AKR1C4: variants seen among roughly 807,000 people sequenced by gnomAD.
The protein encoded by AKR1C4 is 3-alpha-HSD1.
In AKR1C4, 44 loss-of-function variants were observed where a neutral mutation model predicts 41.0. The observed-to-expected ratio is 1.07, with a 90% CI of 0.84 to 1.38. The LOEUF (loss-of-function observed/expected upper bound fraction) is 1.38, where lower values mean the gene tolerates loss of function less well. Ranked by LOEUF, AKR1C4 falls within the 40% of genes most tolerant of loss-of-function variation. The pLI, the probability that AKR1C4 is intolerant of heterozygous loss-of-function variation, is 0.00. For synonymous variants in AKR1C4, 165 were observed against 137.7 expected (o/e 1.20, Z -1.39); for missense variants, 438 against 387.9 (o/e 1.13, Z -1.09).
chr10:5,213,208 G>A lies in AKR1C4; in HGVS notation c.846+49G>A, dbSNP rs370082923. 2.1e-5 allele frequency: 34 copies of A among 1,600,918 alleles called. No individual in the cohort carries two copies. In the Middle Eastern group the frequency reaches 6.8e-4, roughly 32 times the overall value. On this transcript the variant is annotated intron_variant, in intron 7 of 8. Coordinates refer to ENST00000263126, the MANE Select transcript of AKR1C4 (RefSeq NM_001818.5). Reference sequence around the variant, plus strand: ...GGCTCCTGCACAGTGTCCTTCACACGTGTGCTTCTTGTAAGGTTCTCAGGA... The same window carrying A: ...GGCTCCTGCACAGTGTCCTTCACACATGTGCTTCTTGTAAGGTTCTCAGGA...
At chr10:5,215,747 C>G (rs1041541831) in intron 7 of AKR1C4, among the ~76,000 whole-genome samples, 3 of 152,176 alleles carry the variant, frequency 2.0e-5, no homozygotes, top group Non-Finnish European at 2.9e-5. Context: ...TGATCTTAGA[C>G]CTCATTAGCC....
intron 5 of AKR1C4, among the ~76,000 whole-genome samples, chr10:5,210,067 CG>C (rs1278919163): frequency 6.6e-6 from 1 of 152,146 alleles, no homozygotes; most frequent in Non-Finnish European, 1.5e-5. Flanking sequence ...GATACAATGG[CG>C]GTACAGGCAT....
chr10:5,210,954 C>T (rs570807878), intron 5 of AKR1C4, among the ~76,000 whole-genome samples: 25 of 152,332 alleles, frequency 1.6e-4, no homozygotes, highest in African/African-American at 6.0e-4. Flanking sequence ...GGCTCACTAC[C>T]ACATAGAAGC....
intron 7 of AKR1C4, 56 bp downstream of exon 7, chr10:5,213,215 T>C (rs1554798145): frequency 1.3e-6 from 2 of 1,597,708 alleles, no homozygotes; most frequent in Admixed American, 3.4e-5. Flanking sequence ...CACGTGTGCT[T>C]CTTGTAAGGT....
chr10:5,198,729 G>A (rs1832351223), intron 1 of AKR1C4, among the ~76,000 whole-genome samples: 1 of 152,184 alleles, frequency 6.6e-6, no homozygotes, highest in African/African-American at 2.4e-5. Context: ...TTAGGAGTGT[G>A]TATGCAGTGA....
chr10:5,217,875 AG>A (rs782332104), intron 8 of AKR1C4, among the ~76,000 whole-genome samples: 13 of 152,244 alleles, frequency 8.5e-5, no homozygotes, highest in Non-Finnish European at 1.5e-4. Context: ...ATTCACAGAA[AG>A]GCACTCATGT....
chr10:5,215,829 G>A (rs564905466), intron 7 of AKR1C4, among the ~76,000 whole-genome samples: 2 of 152,238 alleles, frequency 1.3e-5, no homozygotes, highest in South Asian at 4.1e-4. Context: ...ACAAGTTCCA[G>A]ACTACCCCTT....
At chr10:5,212,123 T>C (rs552042307) in intron 5 of AKR1C4, among the ~76,000 whole-genome samples, 12 of 152,352 alleles carry the variant, frequency 7.9e-5, no homozygotes, top group Admixed American at 7.8e-4. Context: ...ATACTTTTGA[T>C]CACTCTGTCT....
chr10:5,209,884 A>G (rs1302271805), intron 5 of AKR1C4, among the ~76,000 whole-genome samples: 1 of 152,184 alleles, frequency 6.6e-6, no homozygotes, highest in Non-Finnish European at 1.5e-5. Flanking sequence ...GGCCCCTCCC[A>G]AATCTCATGT....
chr10:5,215,895 A>G (rs1264158282), intron 7 of AKR1C4, among the ~76,000 whole-genome samples: 1 of 152,132 alleles, frequency 6.6e-6, no homozygotes, highest in Non-Finnish European at 1.5e-5. Flanking sequence ...CTAATTATCC[A>G]GTTCTAAAGC....
intron 5 of AKR1C4, 84 bp from the exon 6 acceptor site, chr10:5,212,532 A>G (rs1434274148): frequency 8.2e-7 from 1 of 1,222,356 alleles, no homozygotes; most frequent in African/African-American, 1.5e-5. Context: ...ATTTAATGTT[A>G]TACTTTATTC....
In AKR1C4 at chr10:5,208,818, A is replaced by C. The variant is rs533074669; in HGVS notation, c.570+2421A>C. On this transcript the variant is annotated intron_variant, in intron 5 of 8. Transcript: ENST00000263126. ...TACCATAAGATATTAAGTACCTGAA[A>C]TTATACCTAATAAAAGATGTGTATG... is the stretch of plus-strand genomic sequence containing the variant. Among the ~76,000 whole-genome samples the C allele has an allele frequency of 2.4e-4, 37 of 151,530 alleles. 1 individual carries two copies. The highest frequency in any genetic ancestry group is 1.0e-3 in the Admixed American group (16 of 15,278).
intron 1 of AKR1C4, 146 bp downstream of exon 1, chr10:5,197,097 A>G: frequency 2.7e-6 from 2 of 753,718 alleles, no homozygotes; most frequent in Non-Finnish European, 4.6e-6. Flanking sequence ...TTCTATGTTC[A>G]AAGAGAAAAG....
intron 1 of AKR1C4, among the ~76,000 whole-genome samples, chr10:5,198,069 T>G (rs1323776512): frequency 6.6e-6 from 1 of 152,248 alleles, no homozygotes; most frequent in Admixed American, 6.5e-5. Context: ...TTTCAAATCT[T>G]TATCCAAATT....
intron 8 of AKR1C4, among the ~76,000 whole-genome samples, chr10:5,217,542 T>C (rs1832673510): frequency 6.6e-6 from 1 of 152,220 alleles, no homozygotes; most frequent in African/African-American, 2.4e-5. Context: ...GGTGAATCAC[T>C]TGAAGTCAGA....
intron 6 of AKR1C4, 132 bp downstream of exon 6, chr10:5,212,857 A>G: frequency 7.2e-7 from 1 of 1,383,530 alleles, no homozygotes. Context: ...CTTATGAGAT[A>G]CCAGGTGATG....
rs528142092 is a variant in AKR1C4 at position 5,196,909 on chromosome 10, C to G, written c.42C>G (p.His14Gln). 378 of 1,614,014 alleles carry G rather than the reference C, an allele frequency of 2.3e-4. 1 individual carries two copies. The South Asian group carries it at 4.0e-3, about 17-fold the overall frequency. The change falls in exon 1 of 9, where the codon CAC (histidine) becomes CAG (glutamine). Residue 14 changes from histidine (H) to glutamine (Q), a missense_variant. By Grantham distance (24) the His-to-Gln change is conservative. Coordinates refer to ENST00000263126, the MANE Select transcript of AKR1C4 (RefSeq NM_001818.5). ...KYQRVELNDG[H>Q]FMPVLGFGTY... is the part of the protein sequence containing the mutation. ...AGCGTGTAGAGCTAAATGATGGTCACTTCATGCCCGTATTGGGATTTGGCA... is the reference window on the plus strand; with the variant it reads ...AGCGTGTAGAGCTAAATGATGGTCAGTTCATGCCCGTATTGGGATTTGGCA...
rs1554798070 is a variant in AKR1C4 at position 5,212,694 on chromosome 10, A to G, written c.649A>G (p.Ser217Gly). 1.2e-6 allele frequency: 2 copies of G among 1,614,054 alleles called. No individual in the cohort carries two copies. The change falls in exon 6 of 9, where the codon AGT becomes GGT. Residue 217 changes from serine (S) to glycine (G), a missense_variant. Ser to Gly is a moderately conservative substitution (Grantham distance 56). Transcript: ENST00000263126. ...AAAAGACATTGTTCTGGTTGCCCACAGTGCTCTGGGAACCCAACGACATAA... is the reference window on the plus strand; with the variant it reads ...AAAAGACATTGTTCTGGTTGCCCACGGTGCTCTGGGAACCCAACGACATAA... ...KSKDIVLVAH[S>G]ALGTQRHKLW...
At chr10:5,206,621 T>A (rs1414092134) in intron 5 of AKR1C4, among the ~76,000 whole-genome samples, 1 of 152,044 alleles carries the variant, frequency 6.6e-6, no homozygotes, top group Non-Finnish European at 1.5e-5. Context: ...TGTGTACTAT[T>A]TTTGGGGGAG....
Sources: gnomAD v4.1 joint callset for allele counts (sites outside exome capture counted in the v4.1 genomes callset) on GRCh38, gnomAD v4.1.1 for gene constraint, MANE v1.5 for transcripts, NCBI Gene and HGNC (gene_info 2026-07-23, HGNC 2026-07-21) for gene names.